Variants in HOXC4 observed in about 807,000 individuals in gnomAD.
HOXC4 encodes the protein homeobox C4, also known as homeobox protein Hox-C4.
HOXC4 carries 15 observed loss-of-function variants against 25.5 expected under a neutral mutation model. The observed-to-expected ratio is 0.59, with a 90% CI of 0.39 to 0.91. The LOEUF (loss-of-function observed/expected upper bound fraction) is 0.91, where lower values mean the gene tolerates loss of function less well. Among genes scored for constraint, HOXC4 ranks in the 40% least tolerant of loss-of-function variants. HOXC4 has a pLI of 0.00. For missense variants in HOXC4, 342 were observed against 352.4 expected (o/e 0.97, Z 0.24); for synonymous variants, 165 against 148.0 (o/e 1.11, Z -0.83).
chr12:54,023,406 T>C (rs781435398), intron 1 of HOXC4, among the ~76,000 whole-genome samples: 3 of 152,172 alleles, frequency 2.0e-5, no homozygotes, highest in Admixed American at 2.0e-4. Flanking sequence ...GGCAGAAATC[T>C]GGAAAGAGAG....
chr12:54,034,155 C>A, intron 1 of HOXC4: 1 of 960,554 alleles, frequency 1.0e-6, no homozygotes, highest in Non-Finnish European at 1.7e-6. Context: ...CCCGCGTGGC[C>A]TGTCTTGCGG....
chr12:54,025,093 C>G (rs1268235142), intron 1 of HOXC4, among the ~76,000 whole-genome samples: 1 of 152,168 alleles, frequency 6.6e-6, no homozygotes, highest in Non-Finnish European at 1.5e-5. Context: ...ACCTGCAAGC[C>G]TGATGGGGTT....
At chr12:54,020,728 A>AGCAGGCCCTCTGT (rs1463164292) in intron 1 of HOXC4, 1 of 152,158 alleles carries the variant, frequency 6.6e-6, no homozygotes, top group Non-Finnish European at 1.5e-5. Flanking sequence ...GGGTGCACTG[A>AGCAGGCCCTCTGT]GCAGGCCCTC....
chr12:54,034,020 G>C (rs764838564), intron 1 of HOXC4: 1 of 679,334 alleles, frequency 1.5e-6, no homozygotes, highest in Admixed American at 2.0e-5. Context: ...TCCGAGCCTG[G>C]GTCTCCCTCT....
At chr12:54,040,335 C>G (rs1263903996) in intron 1 of HOXC4, among the ~76,000 whole-genome samples, 1 of 152,196 alleles carries the variant, frequency 6.6e-6, no homozygotes, top group Non-Finnish European at 1.5e-5. Flanking sequence ...GCAAAAACTA[C>G]TTGGGTCTCT....
At chr12:54,028,765 G>C (rs201594434) in intron 1 of HOXC4, 289 of 1,614,020 alleles carry the variant, frequency 1.8e-4, no homozygotes, top group Non-Finnish European at 2.4e-4. Context: ...CCAGGAGAAA[G>C]ACATGCTCTC....
At chr12:54,029,518 A>C in intron 1 of HOXC4, 1 of 805,046 alleles carries the variant, frequency 1.2e-6, no homozygotes, top group Non-Finnish European at 1.9e-6. Flanking sequence ...GGGCAAGGCA[A>C]AAGGGAGAAG....
upstream of HOXC4, among the ~76,000 whole-genome samples, chr12:54,049,741 AACACATACACACAC>A (rs1937800399): frequency 1.1e-5 from 1 of 93,796 alleles, no homozygotes; most frequent in South Asian, 3.8e-4. Context: ...GAAAGGGACA[AACACATACACACAC>A]ACACACACAC....
upstream of HOXC4, among the ~76,000 whole-genome samples, chr12:54,050,413 C>G (rs1472318502): frequency 6.6e-6 from 1 of 152,064 alleles, no homozygotes; most frequent in African/African-American, 2.4e-5. Context: ...ATAAATAAAA[C>G]TGGGGCAAAG....
chr12:54,030,051 C>G, intron 1 of HOXC4: 2 of 1,256,606 alleles, frequency 1.6e-6, no homozygotes, highest in Non-Finnish European at 2.2e-6. Context: ...TTATCACTGG[C>G]ACAATTGATG....
intron 1 of HOXC4, among the ~76,000 whole-genome samples, 169 bp from the exon 2 acceptor site, chr12:54,054,681 A>G (rs76651339): frequency 6.6e-6 from 1 of 151,874 alleles, no homozygotes; most frequent in African/African-American, 2.4e-5. Flanking sequence ...CTCTTATTAC[A>G]CTACAAAGTC....
chr12:54,026,183 A>C (rs947216567), intron 1 of HOXC4, among the ~76,000 whole-genome samples: 1 of 152,092 alleles, frequency 6.6e-6, no homozygotes, highest in Admixed American at 6.5e-5. Context: ...CACTACCCTT[A>C]GGGCAGAAAG....
At chr12:54,048,709 T>A (rs1052724046) in intron 1 of HOXC4, among the ~76,000 whole-genome samples, 2 of 152,156 alleles carry the variant, frequency 1.3e-5, no homozygotes, top group Non-Finnish European at 2.9e-5. Flanking sequence ...TCTCTGGCAG[T>A]TCAGAGGCCA....
At chr12:54,052,569 T>TAG (rs1937870751), upstream of HOXC4, among the ~76,000 whole-genome samples, 1 of 126,172 alleles carries the variant, frequency 7.9e-6, no homozygotes, top group Admixed American at 7.6e-5. Context: ...CACCCCTAGC[T>TAG]GGGGGGGGGG....
At chr12:54,017,406 CA>C (rs1216629581) in exon 1 of HOXC4, 1 of 152,036 alleles carries the variant, frequency 6.6e-6, no homozygotes, top group Admixed American at 6.6e-5. Flanking sequence ...AGAGTGACAG[CA>C]GCGCTCGGTA....
chr12:54,051,662 G>A (rs1048085940), upstream of HOXC4, among the ~76,000 whole-genome samples: 4 of 152,218 alleles, frequency 2.6e-5, no homozygotes, highest in Non-Finnish European at 4.4e-5. Context: ...AGTGGGGATG[G>A]GCACTGTCCT....
At chr12:54,030,532 T>C (rs1940946480) in intron 1 of HOXC4, 1 of 152,712 alleles carries the variant, frequency 6.5e-6, no homozygotes, top group Non-Finnish European at 1.5e-5. Flanking sequence ...CTGGGGGTCA[T>C]TATGGCATTT....
In HOXC4 at chr12:54,054,962, G is replaced by T; in HGVS notation, c.552G>T (p.Arg184Ser). The T allele has an allele frequency of 6.2e-7, 1 of 1,614,118 alleles. No individual in the cohort carries two copies. Among genetic ancestry groups the T allele is most frequent in the Non-Finnish European group, 8.5e-7 (1 of 1,180,022 alleles). Residue 184 changes from arginine (R) to serine (S), a missense_variant, in exon 2 of 2, where the codon AGG becomes AGT. Arg to Ser is a moderately radical substitution (Grantham distance 110). Transcript: ENST00000430889. ...ATTACAACCGCTACCTGACCCGAAG[G>T]AGAAGGATCGAGATCGCCCACTCGC... ...EFHYNRYLTR[R>S]RRIEIAHSLC...
upstream of HOXC4, among the ~76,000 whole-genome samples, chr12:54,053,654 G>GA (rs1937898198): frequency 6.6e-6 from 1 of 152,154 alleles, no homozygotes; most frequent in African/African-American, 2.4e-5. Flanking sequence ...GGCGGGATGT[G>GA]CACTGGGGGC....
Sources: gnomAD v4.1 joint callset for allele counts (sites outside exome capture counted in the v4.1 genomes callset) on GRCh38, gnomAD v4.1.1 for gene constraint, MANE v1.5 for transcripts, NCBI Gene and HGNC (gene_info 2026-07-23, HGNC 2026-07-21) for gene names.